Variants in P4HB observed in about 807,000 individuals in gnomAD.
P4HB encodes protein disulfide-isomerase.
A neutral mutation model predicts 52.6 loss-of-function variants in P4HB; 20 were observed. The observed-to-expected ratio is 0.38, with a 90% confidence interval of 0.27 to 0.55. The LOEUF (loss-of-function observed/expected upper bound fraction) is 0.55, where lower values mean the gene tolerates loss of function less well. Among genes scored for constraint, P4HB ranks in the 20% least tolerant of loss-of-function variants. The pLI is 0.74. For missense variants in P4HB, 601 were observed against 669.2 expected (o/e 0.90, Z 1.12); for synonymous variants, 296 against 277.9 (o/e 1.07, Z -0.65).
At chr17:81,853,255 G>A (rs573332278) in intron 4 of P4HB, among the ~76,000 whole-genome samples, 5 of 152,252 alleles carry the variant, frequency 3.3e-5, no homozygotes, top group South Asian at 2.1e-4. Flanking sequence ...ACCTGGTCCC[G>A]GGGAGTGCTG....
intron 4 of P4HB, among the ~76,000 whole-genome samples, chr17:81,853,522 TGAG>T: frequency 6.6e-6 from 1 of 150,716 alleles, no homozygotes; most frequent in East Asian, 1.9e-4. Context: ...TGCAGTGAGC[TGAG>T]ATCGCGCCAC....
chr17:81,845,656 T>C lies in P4HB; in HGVS notation c.1264A>G (p.Ile422Val). 2 of 1,613,912 alleles carry C rather than the reference T, an allele frequency of 1.2e-6. No individual in the cohort carries two copies. The highest frequency in any genetic ancestry group is 1.7e-6 in the Non-Finnish European group (2 of 1,179,798). Residue 422 changes from isoleucine to valine, a missense_variant, in exon 9 of 11, where the codon ATC becomes GTC. Coordinates refer to ENST00000331483, the MANE Select transcript of P4HB (RefSeq NM_000918.4). ...ETYKDHENIV[I>V]AKMDSTANEV... ...TTGGCAGTCGAGTCCATCTTGGCGA[T>C]GACGATGTTCTCATGGTCCTTGTAC... is the stretch of plus-strand genomic sequence containing the variant.
chr17:81,845,559 A>G lies in P4HB; in HGVS notation c.1359+2T>C. On this transcript the variant is annotated splice_donor_variant, in intron 9 of 10. Transcript: ENST00000331483. LOFTEE classifies it high-confidence loss of function. ...CCAGCCCCGTCTGGAGGGAAGGCGC[A>G]CCGTCCTGTCGGCACTGGCAGGAAA... 1.3e-6 allele frequency: 2 copies of G among 1,591,284 alleles called. No homozygotes were observed. Among genetic ancestry groups the G allele is most frequent in the Non-Finnish European group, 1.7e-6 (2 of 1,164,550 alleles).
chr17:81,853,522 T>C (rs894186365), intron 4 of P4HB, among the ~76,000 whole-genome samples: 4 of 150,714 alleles, frequency 2.7e-5, no homozygotes, highest in African/African-American at 9.8e-5. Context: ...TGCAGTGAGC[T>C]GAGATCGCGC....
chr17:81,844,543 C>A (rs1340822173), intron 10 of P4HB, among the ~76,000 whole-genome samples: 1 of 152,154 alleles, frequency 6.6e-6, no homozygotes, highest in Non-Finnish European at 1.5e-5. Flanking sequence ...CAGGCAGCAC[C>A]AGGGGCCGGC....
intron 4 of P4HB, among the ~76,000 whole-genome samples, chr17:81,849,732 A>G (rs765929913): frequency 1.3e-5 from 2 of 152,212 alleles, no homozygotes; most frequent in African/African-American, 2.4e-5. Flanking sequence ...TCAGGCTCAG[A>G]GAGGCGCCCC....
chr17:81,850,200 T>C (rs534029285), intron 4 of P4HB, among the ~76,000 whole-genome samples: 4 of 151,862 alleles, frequency 2.6e-5, no homozygotes, highest in Non-Finnish European at 5.9e-5. Flanking sequence ...TGGCAGGATC[T>C]TGGCTCACTG....
intron 4 of P4HB, among the ~76,000 whole-genome samples, chr17:81,852,285 G>A (rs978040751): frequency 1.3e-5 from 2 of 152,210 alleles, no homozygotes; most frequent in South Asian, 4.1e-4. Flanking sequence ...CCCCCGCAGA[G>A]GTTTTCCTGG....
rs200151102 is a variant in P4HB, at chr17:81,860,396, C to T, written c.76G>A (p.Val26Ile). The part of the protein sequence containing the change: ...RADAPEEEDH[V>I]LVLRKSNFAE... Reference sequence around the variant, plus strand: ...AAGTTGCTTTTCCGCAGCACCAGGACGTGGTCCTCCTCCTCGGGGGCGTCG... The same window carrying T: ...AAGTTGCTTTTCCGCAGCACCAGGATGTGGTCCTCCTCCTCGGGGGCGTCG... Residue 26 changes from valine to isoleucine, a missense_variant, in exon 1 of 11, where the codon GTC becomes ATC. Transcript: ENST00000331483. The T allele has an allele frequency of 6.8e-7, 1 of 1,461,820 alleles. No homozygotes were observed. The highest frequency in any genetic ancestry group is 3.0e-5 in the East Asian group (1 of 32,918). The allele number at this position is 1,461,820 out of a possible 1,614,324, so 90.6% of individuals were successfully genotyped here.
chr17:81,852,174 C>T (rs2038842685), intron 4 of P4HB, among the ~76,000 whole-genome samples: 1 of 152,118 alleles, frequency 6.6e-6, no homozygotes, highest in African/African-American at 2.4e-5. Context: ...AGAGCGAGAC[C>T]CTTTCTCAAA....
In P4HB at chr17:81,843,639, G is replaced by A. The variant is rs199972106; in HGVS notation, c.*373C>T. On this transcript the variant is annotated 3_prime_UTR_variant, in exon 11 of 11. Coordinates refer to ENST00000331483, the MANE Select transcript of P4HB (RefSeq NM_000918.4). ...AACAAATACCCTGATGTCGAAAAAT[G>A]TCTAAAAATCCCACAGACGGAATTT... is the stretch of plus-strand genomic sequence containing the variant. The A allele has an allele frequency of 1.2e-4, 57 of 465,872 alleles. No homozygotes were observed. The highest frequency in any genetic ancestry group is 1.7e-4 in the Non-Finnish European group (45 of 265,186). The allele number at this position is 465,872 out of a possible 1,614,324, so 28.9% of individuals were successfully genotyped here.
Position 81,855,200 on chromosome 17 carries a change from T to G in P4HB, c.566A>C (p.Asn189Thr), listed in dbSNP as rs777496228. 1 of 1,613,998 alleles carries G rather than the reference T, an allele frequency of 6.2e-7. No homozygotes were observed. The highest frequency in any genetic ancestry group is 8.5e-7 in the Non-Finnish European group (1 of 1,179,898). The change falls in exon 4 of 11, where the codon AAC becomes ACC. Residue 189 changes from asparagine to threonine, a missense_variant. Asn to Thr is a moderately conservative substitution (Grantham distance 65, BLOSUM62 0). Coordinates refer to ENST00000331483, the MANE Select transcript of P4HB (RefSeq NM_000918.4). This position sits in a 1 kb window ranked among gnomAD's most constrained non-coding sequence, Gnocchi z 4.3. ...IDDIPFGITS[N>T]SDVFSKYQLD... Reference sequence around the variant, plus strand: ...CTGGTATTTGGAGAACACGTCACTGTTGGAAGTGATCCCAAATGGTATGTC... The same window carrying G: ...CTGGTATTTGGAGAACACGTCACTGGTGGAAGTGATCCCAAATGGTATGTC...
intron 4 of P4HB, chr17:81,847,808 G>C: frequency 6.0e-6 from 1 of 167,662 alleles, no homozygotes; most frequent in Non-Finnish European, 1.3e-5. Flanking sequence ...CTCCCGAGTA[G>C]CTAGGACTAC....
At chr17:81,857,410 A>G (rs1490371255) in intron 2 of P4HB, among the ~76,000 whole-genome samples, 2 of 152,096 alleles carry the variant, frequency 1.3e-5, no homozygotes, top group Non-Finnish European at 2.9e-5. Flanking sequence ...CAGCCTCCCA[A>G]AGTGCTGGGA....
Position 81,846,758 on chromosome 17 carries a change from C to T in P4HB, c.856-129G>A. 8.2e-7 allele frequency: 1 copy of T among 1,221,480 alleles called. No individual in the cohort carries two copies. The highest frequency in any genetic ancestry group is 1.2e-6 in the Non-Finnish European group (1 of 855,558). 75.7% of individuals were successfully genotyped at this position (1,221,480 alleles called of 1,614,324 possible). ...CAACCTGGATTCCGGGGTTGCCCAACCAGACCAGCAGGTGACTGGGAGCAG... is the reference window on the plus strand; with the variant it reads ...CAACCTGGATTCCGGGGTTGCCCAATCAGACCAGCAGGTGACTGGGAGCAG... On this transcript the variant is annotated intron_variant, in intron 6 of 10. Transcript: ENST00000331483. The surrounding 1 kb of genome is among the most constrained non-coding windows in gnomAD (Gnocchi z 5.7).
At chr17:81,860,079 GTTC>G (rs1003038781) in intron 1 of P4HB, 6 of 374,672 alleles carry the variant, frequency 1.6e-5, no homozygotes, top group Non-Finnish European at 2.9e-5. Flanking sequence ...GGTCGATCCT[GTTC>G]TTCTCGCACT....
chr17:81,851,143 G>T (rs1349380957), intron 4 of P4HB, among the ~76,000 whole-genome samples: 1 of 151,810 alleles, frequency 6.6e-6, no homozygotes, highest in African/African-American at 2.4e-5. Flanking sequence ...TGTTAGCCAG[G>T]ATGGTCTCGA....
In P4HB at chr17:81,857,509, C is replaced by A. The variant is rs529546179; in HGVS notation, c.352+1672G>T. 2.0e-5 allele frequency among the ~76,000 whole-genome samples: 3 copies of A among 152,320 alleles called. No individual in the cohort carries two copies. In the South Asian group the frequency reaches 6.2e-4, roughly 32 times the overall value. ...ACATCCATCAAACACATGTTCTCACCCAGGAGTCTGACAGCAGGCCTCATT... is the reference window on the plus strand; with the variant it reads ...ACATCCATCAAACACATGTTCTCACACAGGAGTCTGACAGCAGGCCTCATT... On this transcript the variant is annotated intron_variant, in intron 2 of 10. Coordinates refer to ENST00000331483, the MANE Select transcript of P4HB (RefSeq NM_000918.4).
intron 10 of P4HB, 36 bp downstream of exon 10, chr17:81,845,106 AAT>A: frequency 1.3e-6 from 2 of 1,491,504 alleles, no homozygotes; most frequent in Admixed American, 3.4e-5. Flanking sequence ...CAAGGGGCTG[AAT>A]CCCAGAGACC....
Sources: allele counts gnomAD v4.1 joint callset (sites outside exome capture counted in the v4.1 genomes callset), GRCh38; gene constraint gnomAD v4.1.1; non-coding constraint Gnocchi (gnomAD v3.1); transcripts MANE v1.5; gene names NCBI Gene and HGNC (gene_info 2026-07-23, HGNC 2026-07-21).